The following ZNF667 variants were observed in gnomAD, a reference collection of about 807,000 sequenced individuals.
ZNF667 encodes zinc finger protein 667, also known as myocardial ischemic preconditioning upregulated 1 ortholog.
ZNF667 carries 13 observed loss-of-function variants against 31.8 expected under a neutral mutation model. That is an observed-to-expected ratio of 0.41 (90% CI 0.27 to 0.65). The LOEUF is 0.65. Among genes scored for constraint, ZNF667 ranks in the 30% least tolerant of loss-of-function variants. ZNF667 has a pLI of 0.32. For synonymous variants in ZNF667, 228 were observed against 247.1 expected (o/e 0.92, Z 0.73); for missense variants, 642 against 725.6 (o/e 0.88, Z 1.32).
Position 56,441,380 on chromosome 19 carries a change from G to A in ZNF667, c.1615C>T (p.Arg539Cys), listed in dbSNP as rs139047310. 4.7e-5 allele frequency: 76 copies of A among 1,613,908 alleles called. 1 individual carries two copies. The Middle Eastern group carries it at 8.2e-4, about 17-fold the overall frequency. ...CKTCGKAFSQ[R>C]TSLILHERSH... is the part of the protein sequence containing the mutation. ...CTTTCATGTAGAATAAGAGATGTGCGCTGACTAAAGGCCTTACCACATGTT... is the reference window on the plus strand; with the variant it reads ...CTTTCATGTAGAATAAGAGATGTGCACTGACTAAAGGCCTTACCACATGTT... Residue 539 changes from arginine (R) to cysteine (C), a missense_variant, in exon 7 of 7, where the codon CGC (arginine) becomes TGC (cysteine). By Grantham distance (180) the Arg-to-Cys change is radical. Transcript: ENST00000504904. The surrounding 1 kb of genome is among the most constrained non-coding windows in gnomAD (Gnocchi z 4.2).
rs1300621079 is a variant in ZNF667, at chr19:56,442,456, G to A, written c.539C>T (p.Ala180Val). Reference protein sequence around the residue: ...KPFECSNCRKAFRQISSILLH... With the variant: ...KPFECSNCRKVFRQISSILLH... The stretch of plus-strand genomic sequence containing the variant: ...TAGGATGGATGAGATCTGTCTGAAA[G>A]CTTTTCTACAATTACTGCATTCAAA... Residue 180 changes from alanine (A) to valine (V), a missense_variant, in exon 7 of 7, where the codon GCT becomes GTT. By Grantham distance (64) the Ala-to-Val change is moderately conservative. Transcript: ENST00000504904. The A allele has an allele frequency of 1.2e-6, 2 of 1,614,020 alleles. No homozygotes were observed. Among genetic ancestry groups the A allele is most frequent in the Admixed American group, 1.7e-5 (1 of 60,006 alleles).
Position 56,442,281 on chromosome 19 carries a change from C to T in ZNF667, c.714G>A (p.Gln238=). 1 of 1,614,116 alleles carries T rather than the reference C, an allele frequency of 6.2e-7. No homozygotes were observed. The highest frequency in any genetic ancestry group is 8.5e-7 in the Non-Finnish European group (1 of 1,179,990). The change falls in exon 7 of 7, where the codon CAG becomes CAA. Residue 238 remains glutamine (Q), a synonymous_variant. Transcript: ENST00000504904. ...GAATTTTCTGATGTATATTGAAAGA[C>T]TGACATTGACTCAAGGCCTTCCCAC... ...LDCGKALSQC[Q]SFNIHQKIHV... is the part of the protein sequence containing the mutation.
intron 6 of ZNF667, among the ~76,000 whole-genome samples, chr19:56,453,100 G>A (rs1295313952): frequency 6.6e-6 from 1 of 152,014 alleles, no homozygotes; most frequent in Non-Finnish European, 1.5e-5. Flanking sequence ...GAGCAACCTA[G>A]GCCAATACAT....
chr19:56,473,566 A>G (rs565809942), intron 2 of ZNF667, among the ~76,000 whole-genome samples: 2 of 152,186 alleles, frequency 1.3e-5, no homozygotes, highest in Non-Finnish European at 2.9e-5. Context: ...TTTGCCCCCT[A>G]TGGGAAAACT....
At chr19:56,453,109 A>G (rs1324914689) in intron 6 of ZNF667, among the ~76,000 whole-genome samples, 1 of 152,196 alleles carries the variant, frequency 6.6e-6, no homozygotes, top group Non-Finnish European at 1.5e-5. Flanking sequence ...AGGCCAATAC[A>G]TTAGAAAACC....
At chr19:56,444,447 C>A (rs527374525) in intron 6 of ZNF667, among the ~76,000 whole-genome samples, 43 of 151,990 alleles carry the variant, frequency 2.8e-4, no homozygotes, top group African/African-American at 9.2e-4. Context: ...TCATGAGAAA[C>A]CCACCCCCAT....
chr19:56,470,055 T>G, intron 3 of ZNF667: 1 of 456,814 alleles, frequency 2.2e-6, no homozygotes, highest in Non-Finnish European at 4.4e-6. Flanking sequence ...AATGTTCTCA[T>G]GTGTGCAGCT....
At chr19:56,462,454 G>C (rs765903600) in intron 3 of ZNF667, 25 bp from the exon 4 acceptor site, 1 of 1,540,836 alleles carries the variant, frequency 6.5e-7, no homozygotes, top group East Asian at 2.2e-5. Context: ...CAGGTCATGA[G>C]GCAGTGCCAG....
chr19:56,440,495 T>C lies in ZNF667; in HGVS notation c.*667A>G. ...CCGAGAAGTTCCTTATATTTGATAATTCTAGATCTGAGAAACAGACTCAAA... is the reference window on the plus strand; with the variant it reads ...CCGAGAAGTTCCTTATATTTGATAACTCTAGATCTGAGAAACAGACTCAAA... On this transcript the variant is annotated 3_prime_UTR_variant, in exon 7 of 7. Coordinates refer to ENST00000504904, the MANE Select transcript of ZNF667 (RefSeq NM_001321356.2). 1.3e-6 allele frequency: 1 copy of C among 751,736 alleles called. No individual in the cohort carries two copies. The highest frequency in any genetic ancestry group is 1.6e-6 in the Non-Finnish European group (1 of 616,648). 46.6% of individuals were successfully genotyped at this position (751,736 alleles called of 1,614,324 possible). A position where few individuals can be genotyped will look rare whatever the true frequency, so the allele number is the denominator to read the frequency against.
At chr19:56,454,717 A>T (rs1007699217) in intron 6 of ZNF667, among the ~76,000 whole-genome samples, 1 of 90,734 alleles carries the variant, frequency 1.1e-5, no homozygotes, top group East Asian at 2.2e-4. Context: ...AAACAATCAA[A>T]CTACTAAAAC....
chr19:56,474,142 T>C lies in ZNF667; in HGVS notation c.-661-18A>G, dbSNP rs2043351040. ...GCTGGAACCTGGATGGGAACATGCT[T>C]CAAAGAGTTACTGAACCGTGGTTGT... On this transcript the variant is annotated intron_variant, in intron 1 of 6. Coordinates refer to ENST00000504904, the MANE Select transcript of ZNF667 (RefSeq NM_001321356.2). 2 of 152,242 alleles carry C rather than the reference T, an allele frequency of 1.3e-5. No homozygotes were observed. The highest frequency in any genetic ancestry group is 1.3e-4 in the Admixed American group (2 of 15,286). 9.4% of individuals were successfully genotyped at this position (152,242 alleles called of 1,614,324 possible).
chr19:56,453,584 CAT>C (rs1229776853), intron 6 of ZNF667, among the ~76,000 whole-genome samples: 1 of 152,126 alleles, frequency 6.6e-6, no homozygotes, highest in African/African-American at 2.4e-5. Context: ...GGACAAAAAA[CAT>C]ATGATCACTT....
intron 6 of ZNF667, among the ~76,000 whole-genome samples, chr19:56,447,085 TCTAA>T (rs1046615072): frequency 3.3e-5 from 5 of 151,636 alleles, no homozygotes; most frequent in Non-Finnish European, 5.9e-5. Flanking sequence ...CCAAATTCTT[TCTAA>T]CTATGGAAAT....
intron 6 of ZNF667, among the ~76,000 whole-genome samples, chr19:56,457,385 C>T (rs571426041): frequency 1.3e-5 from 2 of 152,222 alleles, no homozygotes; most frequent in Non-Finnish European, 2.9e-5. Flanking sequence ...CTTCTGGAAA[C>T]AGGCAGAGGC....
intron 1 of ZNF667, among the ~76,000 whole-genome samples, chr19:56,476,758 C>T (rs965436675): frequency 3.3e-5 from 5 of 152,204 alleles, no homozygotes; most frequent in African/African-American, 1.2e-4. Flanking sequence ...GTCACACACT[C>T]ATAACCGCAA....
intron 3 of ZNF667, chr19:56,470,013 T>C (rs3760848): frequency 0.16 from 75,831 of 460,210 alleles, 7,772 homozygotes; most frequent in African/African-American, 0.36. Flanking sequence ...TCTGGCTTTA[T>C]CTCTTGTCCT....
chr19:56,474,895 C>G (rs1016070085), intron 1 of ZNF667: 1 of 151,930 alleles, frequency 6.6e-6, no homozygotes, highest in Non-Finnish European at 1.5e-5. Flanking sequence ...TTTAGAATAA[C>G]GTTCGAGTCT....
intron 3 of ZNF667, among the ~76,000 whole-genome samples, chr19:56,464,723 C>G (rs767016754): frequency 1.3e-5 from 2 of 152,192 alleles, no homozygotes; most frequent in African/African-American, 2.4e-5. Context: ...TACCTCCCCC[C>G]TCCCTAAACA....
chr19:56,459,751 T>C (rs1055576319), intron 5 of ZNF667, among the ~76,000 whole-genome samples: 4 of 152,162 alleles, frequency 2.6e-5, no homozygotes, highest in East Asian at 1.9e-4. Context: ...CCCAGCACTT[T>C]GGGAGGCCGA....
Sources: gnomAD v4.1 joint callset for allele counts (sites outside exome capture counted in the v4.1 genomes callset) on GRCh38, gnomAD v4.1.1 for gene constraint, Gnocchi (gnomAD v3.1) non-coding constraint, MANE v1.5 for transcripts, NCBI Gene and HGNC (gene_info 2026-07-23, HGNC 2026-07-21) for gene names.